Variants in NRXN1 observed in about 807,000 individuals in gnomAD.
NRXN1 encodes neurexin-1.
Under a neutral mutation model 150.9 loss-of-function variants are expected in NRXN1, and 39 were observed. That is an observed-to-expected ratio of 0.26 (90% CI 0.20 to 0.34). The LOEUF (loss-of-function observed/expected upper bound fraction) is 0.34. Ranked by LOEUF, NRXN1 falls within the 10% of genes least tolerant of loss-of-function variation. The pLI is 1.00. For synonymous variants in NRXN1, 924 were observed against 757.0 expected (o/e 1.22, Z -3.62); for missense variants, 1,815 against 1,949.9 (o/e 0.93, Z 1.30).
At chr2:50,567,687 A>G (rs1670076201) in intron 8 of NRXN1, among the ~76,000 whole-genome samples, 2 of 152,194 alleles carry the variant, frequency 1.3e-5, no homozygotes. Context: ...AAACATATTT[A>G]TTAAAACAAG....
chr2:50,109,107 T>C (rs1325400073), intron 18 of NRXN1, among the ~76,000 whole-genome samples: 1 of 152,166 alleles, frequency 6.6e-6, no homozygotes, highest in Non-Finnish European at 1.5e-5. Context: ...TGTTTCTAAA[T>C]ATAGACTCTG....
intron 8 of NRXN1, among the ~76,000 whole-genome samples, chr2:50,580,796 G>A (rs1467648273): frequency 6.6e-6 from 1 of 152,004 alleles, no homozygotes; most frequent in Non-Finnish European, 1.5e-5. Context: ...TGAGCAGAAG[G>A]GCTTATTTCC....
At chr2:50,729,540 T>C (rs1697819549) in intron 5 of NRXN1, among the ~76,000 whole-genome samples, 1 of 152,146 alleles carries the variant, frequency 6.6e-6, no homozygotes, top group Non-Finnish European at 1.5e-5. Flanking sequence ...CAAGGGAGCT[T>C]TTACGCATGG....
chr2:50,367,012 G>C (rs1421344073), intron 17 of NRXN1, among the ~76,000 whole-genome samples: 1 of 151,972 alleles, frequency 6.6e-6, no homozygotes, highest in Non-Finnish European at 1.5e-5. Context: ...TTAGATGGGT[G>C]AGTACGCCAG....
intron 5 of NRXN1, among the ~76,000 whole-genome samples, chr2:50,910,208 T>C (rs1260942226): frequency 3.9e-5 from 6 of 152,018 alleles, no homozygotes; most frequent in Admixed American, 1.3e-4. Context: ...CTTTCCTCCA[T>C]GTAGTTTGTG....
chr2:50,019,871 C>T (rs1687258924), intron 21 of NRXN1, among the ~76,000 whole-genome samples: 2 of 143,404 alleles, frequency 1.4e-5, no homozygotes, highest in South Asian at 4.5e-4. Context: ...TGGCGAGAAC[C>T]CGGGAGGCGG....
chr2:50,416,820 C>T (rs2083572864), intron 17 of NRXN1, among the ~76,000 whole-genome samples: 1 of 152,078 alleles, frequency 6.6e-6, no homozygotes, highest in South Asian at 2.1e-4. Flanking sequence ...CAATTACCTC[C>T]CACCAGGTCC....
chr2:50,062,686 A>ATT (rs1265238372), intron 19 of NRXN1, among the ~76,000 whole-genome samples: 1 of 152,126 alleles, frequency 6.6e-6, no homozygotes, highest in African/African-American at 2.4e-5. Flanking sequence ...GATAAATACA[A>ATT]TTTTAATCAT....
In NRXN1 at chr2:50,501,741, C is replaced by A. The variant is rs186195862; in HGVS notation, c.2498-4027G>T. On this transcript the variant is annotated intron_variant, in intron 13 of 22. Coordinates refer to ENST00000401669, the MANE Select transcript of NRXN1 (RefSeq NM_001330078.2). ...AGGGATTCCACAAAATTTGTACAAC[C>A]CCTTGTCATCTATGACCTAGGAAAT... is the stretch of plus-strand genomic sequence containing the variant. Among the ~76,000 whole-genome samples the A allele has an allele frequency of 2.6e-5, 4 of 152,166 alleles. No individual in the cohort carries two copies. The East Asian group carries it at 7.7e-4, about 29-fold the overall frequency.
intron 21 of NRXN1, among the ~76,000 whole-genome samples, chr2:49,947,287 A>G (rs1673077325): frequency 6.6e-6 from 1 of 152,024 alleles, no homozygotes; most frequent in South Asian, 2.1e-4. Context: ...TGTTAGAGGG[A>G]GGAGGATATA....
chr2:50,186,573 C>A (rs1199289904), intron 18 of NRXN1, among the ~76,000 whole-genome samples: 1 of 152,036 alleles, frequency 6.6e-6, no homozygotes, highest in Admixed American at 6.6e-5. Flanking sequence ...CCAAATGTCT[C>A]AACGAATTTA....
At chr2:50,786,331 A>G (rs1321253585) in intron 5 of NRXN1, among the ~76,000 whole-genome samples, 1 of 152,062 alleles carries the variant, frequency 6.6e-6, no homozygotes, top group African/African-American at 2.4e-5. Context: ...ATTCCTCTTT[A>G]TAGCAAATTG....
At chr2:50,154,455 A>G (rs2058890566) in intron 18 of NRXN1, among the ~76,000 whole-genome samples, 1 of 151,744 alleles carries the variant, frequency 6.6e-6, no homozygotes, top group South Asian at 2.1e-4. Flanking sequence ...TGAATTTTAT[A>G]AGATACAATG....
At chr2:50,283,260 C>T (rs147801837) in intron 17 of NRXN1, among the ~76,000 whole-genome samples, 1 of 152,130 alleles carries the variant, frequency 6.6e-6, no homozygotes, top group Non-Finnish European at 1.5e-5. Flanking sequence ...TGTTATTAGC[C>T]TCCAACTTTT....
chr2:50,478,914 T>C (rs1330724638), intron 15 of NRXN1, among the ~76,000 whole-genome samples: 2 of 152,208 alleles, frequency 1.3e-5, no homozygotes, highest in African/African-American at 2.4e-5. Flanking sequence ...TTCGTTTTCA[T>C]TCCCATTTCC....
intron 12 of NRXN1, among the ~76,000 whole-genome samples, chr2:50,518,898 A>C (rs1363304012): frequency 8.7e-6 from 1 of 115,002 alleles, no homozygotes; most frequent in Non-Finnish European, 1.8e-5. Flanking sequence ...TCCAAAAGTA[A>C]GAAGCATATT....
At chr2:50,658,426 G>GTGTGTGTGTGTGTC (rs1339935741) in intron 5 of NRXN1, among the ~76,000 whole-genome samples, 1 of 151,754 alleles carries the variant, frequency 6.6e-6, no homozygotes, top group Admixed American at 6.6e-5. Flanking sequence ...GTGTGTGTGT[G>GTGTGTGTGTGTGTC]TGTGTGTGTG....
chr2:50,438,695 G>C (rs78554807), intron 17 of NRXN1, among the ~76,000 whole-genome samples: 4,140 of 152,146 alleles, frequency 0.027, 202 homozygotes, highest in African/African-American at 0.092. Context: ...CCTGTCCTAA[G>C]TTTTACTGGA....
At chr2:49,940,174 T>G (rs992876719) in intron 22 of NRXN1, among the ~76,000 whole-genome samples, 1 of 152,098 alleles carries the variant, frequency 6.6e-6, no homozygotes, top group Non-Finnish European at 1.5e-5. Context: ...ACTCAGAAGA[T>G]TTGGGCAACG....
Sources: allele counts gnomAD v4.1 joint callset (sites outside exome capture counted in the v4.1 genomes callset), GRCh38; gene constraint gnomAD v4.1.1; transcripts MANE v1.5; gene names NCBI Gene and HGNC (gene_info 2026-07-23, HGNC 2026-07-21).